The following PIWIL4 variants were observed in gnomAD, a reference collection of about 807,000 sequenced individuals.
PIWIL4 encodes the protein piwi-like protein 4.
A neutral mutation model predicts 100.9 loss-of-function variants in PIWIL4; 50 were observed. The ratio of observed to expected loss-of-function variants is 0.50; its 90% CI spans 0.39 to 0.63. The LOEUF (loss-of-function observed/expected upper bound fraction) is 0.63. Ranked by LOEUF, PIWIL4 falls within the 20% of genes least tolerant of loss-of-function variation. The probability of loss-of-function intolerance (pLI) is 0.00; values close to 1 mark genes in which losing one functional copy is unlikely to be tolerated. For missense variants in PIWIL4, 887 were observed against 1,043.3 expected (o/e 0.85, Z 2.06); for synonymous variants, 342 against 367.5 (o/e 0.93, Z 0.79).
In PIWIL4 at chr11:94,601,993, G is replaced by A. The variant is rs1215065356; in HGVS notation, c.1565+14G>A. On this transcript the variant is annotated intron_variant, in intron 12 of 19. Coordinates refer to ENST00000299001, the MANE Select transcript of PIWIL4 (RefSeq NM_152431.3). ...CTACCCCAAAATGTGAGAATACATT[G>A]AATTTTGTTCATATATTAATTTGGT... is the stretch of plus-strand genomic sequence containing the variant. 4 of 1,591,810 alleles carry A rather than the reference G, an allele frequency of 2.5e-6. No homozygotes were observed. The highest frequency in any genetic ancestry group is 1.7e-4 in the Middle Eastern group (1 of 5,960).
intron 1 of PIWIL4, chr11:94,567,813 T>C: frequency 8.4e-7 from 1 of 1,189,680 alleles, no homozygotes; most frequent in East Asian, 3.6e-5. Context: ...GTAGGTATAT[T>C]AGCCAGTAAA....
chr11:94,570,145 G>A (rs925825579), intron 2 of PIWIL4, among the ~76,000 whole-genome samples: 1 of 152,094 alleles, frequency 6.6e-6, no homozygotes, highest in African/African-American at 2.4e-5. Context: ...TTGGTCTCAG[G>A]ATACTTGTCA....
chr11:94,607,783 C>G, intron 14 of PIWIL4, 144 bp downstream of exon 14: 1 of 848,870 alleles, frequency 1.2e-6, no homozygotes, highest in Non-Finnish European at 1.8e-6. Flanking sequence ...ATTCCATAAG[C>G]CATTGTGAAT....
chr11:94,611,240 C>T lies in PIWIL4; in HGVS notation c.1943+2554C>T, dbSNP rs144293094. Among the ~76,000 whole-genome samples, 246 of 152,178 alleles carry T rather than the reference C, an allele frequency of 1.6e-3. 2 individuals carry two copies. Among genetic ancestry groups the T allele is most frequent in the African/African-American group, 5.7e-3 (237 of 41,520 alleles). Reference sequence around the variant, plus strand: ...AGCTATTGATTTGCATATGTTGAACCATCCATTCTTACATCCCAGGTATAA... The same window carrying T: ...AGCTATTGATTTGCATATGTTGAACTATCCATTCTTACATCCCAGGTATAA... On this transcript the variant is annotated intron_variant, in intron 15 of 19. Transcript: ENST00000299001.
Position 94,602,049 on chromosome 11 carries a change from G to C in PIWIL4, c.1565+70G>C, listed in dbSNP as rs1283534877. On this transcript the variant is annotated intron_variant, in intron 12 of 19. Transcript: ENST00000299001. Reference sequence around the variant, plus strand: ...TAGAAGGTAGGGAATAATGGCAGATGTATCAACAAAAGCTTCTTTATCCCA... The same window carrying C: ...TAGAAGGTAGGGAATAATGGCAGATCTATCAACAAAAGCTTCTTTATCCCA... The C allele has an allele frequency of 1.5e-5, 21 of 1,410,120 alleles. No individual in the cohort carries two copies. The South Asian group carries it at 2.9e-4, about 19-fold the overall frequency. The allele number at this position is 1,410,120 out of a possible 1,614,324, so 87.4% of individuals were successfully genotyped here. A position where few individuals can be genotyped will look rare whatever the true frequency, so the allele number is the denominator to read the frequency against.
At chr11:94,569,092 T>G (rs1441439764) in intron 2 of PIWIL4, among the ~76,000 whole-genome samples, 1 of 152,228 alleles carries the variant, frequency 6.6e-6, no homozygotes, top group African/African-American at 2.4e-5. Flanking sequence ...ATCTTTATGG[T>G]GTTATATACG....
At chr11:94,592,697 G>A (rs1438132505) in intron 8 of PIWIL4, among the ~76,000 whole-genome samples, 4 of 152,120 alleles carry the variant, frequency 2.6e-5, no homozygotes, top group African/African-American at 9.7e-5. Context: ...CAGTTGTTCT[G>A]TCACTAATGT....
intron 14 of PIWIL4, among the ~76,000 whole-genome samples, chr11:94,607,854 G>A (rs575010298): frequency 6.6e-6 from 1 of 152,244 alleles, no homozygotes; most frequent in Non-Finnish European, 1.5e-5. Context: ...TCAGCATAGG[G>A]ACCTGATTTG....
intron 18 of PIWIL4, 36 bp from the exon 19 acceptor site, chr11:94,619,961 C>T: frequency 1.2e-6 from 2 of 1,614,058 alleles, no homozygotes; most frequent in Non-Finnish European, 8.5e-7. Context: ...ATTCTGTTTG[C>T]CTTCTTTCCT....
chr11:94,604,163 A>G, intron 13 of PIWIL4, 107 bp downstream of exon 13: 1 of 572,280 alleles, frequency 1.7e-6, no homozygotes, highest in Non-Finnish European at 3.0e-6. Context: ...ATTGCCATGC[A>G]TTTCTCCAAA....
chr11:94,603,060 A>G (rs1948665612), intron 12 of PIWIL4, among the ~76,000 whole-genome samples: 1 of 152,234 alleles, frequency 6.6e-6, no homozygotes, highest in Non-Finnish European at 1.5e-5. Context: ...TCCATGAAGT[A>G]TCCATTTACC....
At chr11:94,567,685 T>C (rs1358932299) in intron 1 of PIWIL4, 80 bp downstream of exon 1, 2 of 1,407,378 alleles carry the variant, frequency 1.4e-6, no homozygotes, top group African/African-American at 1.4e-5. Flanking sequence ...CCTCTGCATG[T>C]ATCTCCTCCT....
chr11:94,610,976 G>A (rs187950649), intron 15 of PIWIL4, among the ~76,000 whole-genome samples: 281 of 152,018 alleles, frequency 1.8e-3, no homozygotes, highest in Non-Finnish European at 3.2e-3. Context: ...GTCCAATTTC[G>A]TTTTTTTACA....
intron 13 of PIWIL4, among the ~76,000 whole-genome samples, chr11:94,606,942 T>C (rs1948728591): frequency 6.6e-6 from 1 of 152,138 alleles, no homozygotes; most frequent in African/African-American, 2.4e-5. Flanking sequence ...TTGTGTCCTT[T>C]ATTTTGGTTA....
Position 94,595,492 on chromosome 11 carries a change from C to T in PIWIL4, c.1268+66C>T, listed in dbSNP as rs1948544961. On this transcript the variant is annotated intron_variant, in intron 10 of 19. Coordinates refer to ENST00000299001, the MANE Select transcript of PIWIL4 (RefSeq NM_152431.3). ...TTAGTATTAGATGGCCTATGTAACA[C>T]TGATATATTCCTTGAAGGAAATGTG... 3 of 1,187,430 alleles carry T rather than the reference C, an allele frequency of 2.5e-6. No individual in the cohort carries two copies. In the Admixed American group the frequency reaches 6.0e-5, roughly 24 times the overall value. 73.6% of individuals were successfully genotyped at this position (1,187,430 alleles called of 1,614,324 possible).
intron 17 of PIWIL4, among the ~76,000 whole-genome samples, chr11:94,619,472 C>T (rs1398704599): frequency 2.0e-5 from 3 of 152,174 alleles, no homozygotes; most frequent in Admixed American, 6.5e-5. Flanking sequence ...GAAAATCTTT[C>T]GCAAAAGTGC....
At chr11:94,590,818 C>T (rs1165343933) in intron 8 of PIWIL4, among the ~76,000 whole-genome samples, 2 of 152,164 alleles carry the variant, frequency 1.3e-5, no homozygotes, top group Non-Finnish European at 2.9e-5. Context: ...CCTCCCACTA[C>T]CGTCACTCTT....
intron 9 of PIWIL4, among the ~76,000 whole-genome samples, chr11:94,594,678 A>G (rs1283487299): frequency 6.6e-6 from 1 of 151,838 alleles, no homozygotes; most frequent in Non-Finnish European, 1.5e-5. Flanking sequence ...GATTACAAGC[A>G]AGCACTGCCA....
rs1002247981 is a variant in PIWIL4, at chr11:94,582,033, G to A, written c.514-1415G>A. Among the ~76,000 whole-genome samples the A allele has an allele frequency of 3.9e-4, 60 of 152,184 alleles. 1 individual carries two copies. The highest frequency in any genetic ancestry group is 3.9e-3 in the Admixed American group (59 of 15,288). The stretch of plus-strand genomic sequence containing the variant: ...GAGGAGAAATGAAAGTTTACTGTGA[G>A]GTTAGCAGCCTGGGGACTGGAGGGT... On this transcript the variant is annotated intron_variant, in intron 4 of 19. Coordinates refer to ENST00000299001, the MANE Select transcript of PIWIL4 (RefSeq NM_152431.3).
Sources: allele counts gnomAD v4.1 joint callset (sites outside exome capture counted in the v4.1 genomes callset), GRCh38; gene constraint gnomAD v4.1.1; transcripts MANE v1.5; gene names NCBI Gene and HGNC (gene_info 2026-07-23, HGNC 2026-07-21).